The following PODXL variants were observed in gnomAD, a reference collection of about 807,000 sequenced individuals.
PODXL encodes podocalyxin.
Under a neutral mutation model 48.9 loss-of-function variants are expected in PODXL, and 20 were observed. The ratio of observed to expected loss-of-function variants is 0.41; its 90% CI spans 0.29 to 0.59. The LOEUF is 0.59. PODXL is among the 20% of genes least tolerant of loss of function. The probability of loss-of-function intolerance (pLI) is 0.31; values close to 1 mark genes in which losing one functional copy is unlikely to be tolerated. For missense variants in PODXL, 606 were observed against 675.1 expected, an observed-to-expected ratio of 0.90 and a Z score of 1.13; for synonymous variants, 295 against 287.4, an observed-to-expected ratio of 1.03 and a Z score of -0.27.
chr7:131,532,684 ACTGT>A lies in PODXL; in HGVS notation c.101-21255_101-21252del, dbSNP rs761457232. On this transcript the variant is annotated intron_variant, in intron 1 of 8. Coordinates refer to ENST00000378555, the MANE Select transcript of PODXL (RefSeq NM_001018111.3). ...GGGTATAAGGGGTATGACAGACTTGACTGTCTGGGCCCCACATCCAGTGCATATG... is the reference window on the plus strand; with the variant it reads ...GGGTATAAGGGGTATGACAGACTTGACTGGGCCCCACATCCAGTGCATATG... Among the ~76,000 whole-genome samples the A allele has an allele frequency of 9.9e-5, 15 of 152,168 alleles. No individual in the cohort carries two copies. In the East Asian group the frequency reaches 2.7e-3, roughly 28 times the overall value.
chr7:131,547,740 C>T (rs1342597826), intron 1 of PODXL, among the ~76,000 whole-genome samples: 1 of 152,198 alleles, frequency 6.6e-6, no homozygotes, highest in Non-Finnish European at 1.5e-5. Context: ...CCCAAATCGG[C>T]CTCCTCTTAA....
At chr7:131,505,524 G>C (rs745942481) in intron 8 of PODXL, among the ~76,000 whole-genome samples, 1 of 152,182 alleles carries the variant, frequency 6.6e-6, no homozygotes, top group Non-Finnish European at 1.5e-5. Flanking sequence ...GTGGGCACCT[G>C]TAATCCCAGC....
rs1798214025 is a variant in PODXL, at chr7:131,527,963, G to C, written c.101-16530C>G. Among the ~76,000 whole-genome samples the C allele has an allele frequency of 2.0e-5, 3 of 149,380 alleles. No homozygotes were observed. In the East Asian group the frequency reaches 5.9e-4, roughly 29 times the overall value. ...CGGTCACCCTGGCTGGAGTGCAGTG[G>C]TGCAATCTCAGCTCACCGCAACCTC... On this transcript the variant is annotated intron_variant, in intron 1 of 8. Coordinates refer to ENST00000378555, the MANE Select transcript of PODXL (RefSeq NM_001018111.3).
At chr7:131,518,506 G>C (rs1487100568) in intron 1 of PODXL, among the ~76,000 whole-genome samples, 1 of 152,168 alleles carries the variant, frequency 6.6e-6, no homozygotes, top group Non-Finnish European at 1.5e-5. Context: ...TTGGGGATGA[G>C]AGTGTTTAAG....
intron 1 of PODXL, among the ~76,000 whole-genome samples, chr7:131,551,950 A>G (rs73492981): frequency 0.024 from 3,605 of 151,142 alleles, 102 homozygotes; most frequent in African/African-American, 0.07. Flanking sequence ...AAAAAAAAAA[A>G]CAGTGAAGGG....
intron 8 of PODXL, 123 bp from the exon 9 acceptor site, chr7:131,504,631 G>C (rs1442570698): frequency 5.2e-6 from 4 of 776,112 alleles, no homozygotes; most frequent in Non-Finnish European, 8.5e-6. Context: ...CTCATTGCTC[G>C]CCTGTGGGGC....
intron 5 of PODXL, chr7:131,507,038 G>T (rs1019194540): frequency 9.8e-6 from 3 of 307,114 alleles, no homozygotes; most frequent in Admixed American, 4.6e-5. Flanking sequence ...GCTGTTTGCG[G>T]ATTGGGGGTT....
intron 1 of PODXL, among the ~76,000 whole-genome samples, chr7:131,543,177 C>T (rs1192402641): frequency 6.6e-6 from 1 of 152,148 alleles, no homozygotes; most frequent in African/African-American, 2.4e-5. Context: ...TGCTGGAGTA[C>T]AGTGGCACAA....
chr7:131,523,293 T>A (rs990637931), intron 1 of PODXL, among the ~76,000 whole-genome samples: 2 of 152,162 alleles, frequency 1.3e-5, no homozygotes, highest in Non-Finnish European at 2.9e-5. Context: ...CAACACTACA[T>A]AGAAAGGACA....
intron 1 of PODXL, among the ~76,000 whole-genome samples, chr7:131,540,503 GCACCCTTCGCACCGACCCT>G (rs940753987): frequency 8.6e-5 from 13 of 151,478 alleles, no homozygotes; most frequent in Admixed American, 8.5e-4. Flanking sequence ...GCACCGACCC[GCACCCTTCGCACCGACCCT>G]CACCCTTCTC....
At chr7:131,531,535 C>T (rs1006363636) in intron 1 of PODXL, among the ~76,000 whole-genome samples, 2 of 152,180 alleles carry the variant, frequency 1.3e-5, no homozygotes, top group African/African-American at 4.8e-5. Flanking sequence ...TACCTACGAC[C>T]GCCATAACAA....
chr7:131,556,420 C>A lies in PODXL; in HGVS notation c.-61G>T, dbSNP rs1341608626. 5.3e-6 allele frequency: 7 copies of A among 1,325,008 alleles called. No homozygotes were observed. Among genetic ancestry groups the A allele is most frequent in the Non-Finnish European group, 6.7e-6 (7 of 1,039,414 alleles). 82.1% of individuals were successfully genotyped at this position (1,325,008 alleles called of 1,614,324 possible). On this transcript the variant is annotated 5_prime_UTR_variant, in exon 1 of 9. Transcript: ENST00000378555. ...CGGTGCCGGCGGAGGATCCGCGCGT[C>A]CGGGCGGTAGGAGCGTGGGCGCCGC...
At chr7:131,523,730 C>T (rs1203577208) in intron 1 of PODXL, among the ~76,000 whole-genome samples, 1 of 148,978 alleles carries the variant, frequency 6.7e-6, no homozygotes, top group Non-Finnish European at 1.5e-5. Flanking sequence ...AAAGAAAAAC[C>T]ATATGATCAG....
chr7:131,535,081 A>C (rs1339819038), intron 1 of PODXL, among the ~76,000 whole-genome samples: 1 of 152,110 alleles, frequency 6.6e-6, no homozygotes, highest in Non-Finnish European at 1.5e-5. Flanking sequence ...AAAAAGAAAT[A>C]TATTGACCAT....
intron 1 of PODXL, among the ~76,000 whole-genome samples, chr7:131,522,781 C>G (rs1798111359): frequency 6.6e-6 from 1 of 152,228 alleles, no homozygotes; most frequent in Non-Finnish European, 1.5e-5. Flanking sequence ...TGACTGGCTT[C>G]TTTCACTTTG....
At chr7:131,550,386 A>G (rs1448618073) in intron 1 of PODXL, among the ~76,000 whole-genome samples, 20 of 152,216 alleles carry the variant, frequency 1.3e-4, no homozygotes, top group Non-Finnish European at 1.5e-5. Context: ...GCCAGGCATG[A>G]TGGCTCATGC....
At chr7:131,529,048 A>AG (rs1353907665) in intron 1 of PODXL, among the ~76,000 whole-genome samples, 5 of 151,364 alleles carry the variant, frequency 3.3e-5, no homozygotes, top group Admixed American at 2.0e-4. Context: ...GATAAAGTTC[A>AG]GGGGGGGAAA....
intron 1 of PODXL, among the ~76,000 whole-genome samples, chr7:131,514,323 A>AGGCTGAG (rs1584812513): frequency 1.3e-5 from 2 of 152,226 alleles, no homozygotes; most frequent in African/African-American, 4.8e-5. Flanking sequence ...CTGAGGCAGG[A>AGGCTGAG]GAATAGCTTG....
chr7:131,531,977 G>A (rs1174974997), intron 1 of PODXL, among the ~76,000 whole-genome samples: 1 of 152,016 alleles, frequency 6.6e-6, no homozygotes, highest in Non-Finnish European at 1.5e-5. Flanking sequence ...GGGCATGGTG[G>A]TGCATGGCTG....
Sources: gnomAD v4.1 joint callset for allele counts (sites outside exome capture counted in the v4.1 genomes callset) on GRCh38, gnomAD v4.1.1 for gene constraint, MANE v1.5 for transcripts, NCBI Gene and HGNC (gene_info 2026-07-23, HGNC 2026-07-21) for gene names.